The following ATAD3B variants were observed in gnomAD, a reference collection of about 807,000 sequenced individuals.
The protein encoded by ATAD3B is ATPase family AAA domain containing 3B.
ATAD3B carries 59 observed loss-of-function variants against 70.2 expected under a neutral mutation model. The ratio of observed to expected loss-of-function variants is 0.84; its 90% CI spans 0.68 to 1.04. ATAD3B has a LOEUF of 1.04. Among genes scored for constraint, ATAD3B ranks in the 50% least tolerant of loss-of-function variants. The probability of loss-of-function intolerance (pLI) is 0.00; values close to 1 mark genes in which losing one functional copy is unlikely to be tolerated. For synonymous variants in ATAD3B, 423 were observed against 388.6 expected (o/e 1.09, Z -1.04); for missense variants, 961 against 913.4 (o/e 1.05, Z -0.67).
chr1:1,476,987 A>G (rs1309514464), intron 1 of ATAD3B, among the ~76,000 whole-genome samples: 1 of 151,666 alleles, frequency 6.6e-6, no homozygotes, highest in Non-Finnish European at 1.5e-5. Flanking sequence ...TTGTGTTTTT[A>G]GTGGAGACAG....
intron 4 of ATAD3B, among the ~76,000 whole-genome samples, chr1:1,479,547 GCA>G (rs1639789395): frequency 7.6e-6 from 1 of 131,012 alleles, no homozygotes; most frequent in Admixed American, 7.7e-5. Flanking sequence ...ACACGGGCAC[GCA>G]CACACACACC....
chr1:1,481,047 A>G lies in ATAD3B; in HGVS notation c.514+111A>G, dbSNP rs1332068840. 7 of 1,523,978 alleles carry G rather than the reference A, an allele frequency of 4.6e-6. 1 individual carries two copies. Among genetic ancestry groups the G allele is most frequent in the Non-Finnish European group, 6.1e-6 (7 of 1,141,856 alleles). 94.4% of individuals were successfully genotyped at this position (1,523,978 alleles called of 1,614,324 possible). On this transcript the variant is annotated intron_variant, in intron 5 of 15. Transcript: ENST00000673477. ...CCCGGCCCCTCATAGCTACCAGTGC[A>G]GTGGGCGAGGCCTGCTGGGGCTCTG...
chr1:1,480,115 G>T (rs1450835935), intron 4 of ATAD3B, among the ~76,000 whole-genome samples: 1 of 144,034 alleles, frequency 6.9e-6, no homozygotes, highest in Non-Finnish European at 1.5e-5. Context: ...ACACACACGG[G>T]CACGTGTACG....
At chr1:1,484,917 C>T (rs1270851815) in intron 7 of ATAD3B, 99 bp from the exon 8 acceptor site, 6 of 1,484,020 alleles carry the variant, frequency 4.0e-6, no homozygotes, top group Admixed American at 2.1e-5. Flanking sequence ...TGTGCTTCTC[C>T]CTCAGGCGGA....
At position 1,490,656 on chromosome 1, in the gene ATAD3B, G is replaced by A. The variant is rs181699683; in HGVS notation, c.1599G>A (p.Leu533=). The part of the protein sequence containing the change: ...EGMSGREIAQ[L]AVSWQATAYA... ...TGTCGGGCCGGGAGATCGCTCAGCT[G>A]GCCGTGTCCTGGCAGGTGAGTCAGG... is the stretch of plus-strand genomic sequence containing the variant. Residue 533 remains leucine, a synonymous_variant, in exon 15 of 16, where the codon CTG becomes CTA. Coordinates refer to ENST00000673477, the MANE Select transcript of ATAD3B (RefSeq NM_031921.6). 14 of 1,594,996 alleles carry A rather than the reference G, an allele frequency of 8.8e-6. No homozygotes were observed. The Admixed American group carries it at 2.3e-4, about 27-fold the overall frequency.
chr1:1,473,869 G>T (rs1217619426), intron 1 of ATAD3B, among the ~76,000 whole-genome samples: 2 of 152,048 alleles, frequency 1.3e-5, no homozygotes, highest in Non-Finnish European at 2.9e-5. Context: ...GAGTTTCCCT[G>T]TTTAAGGAGG....
chr1:1,495,905 T>G lies in ATAD3B; in HGVS notation c.*88T>G, dbSNP rs3842878. The G allele has an allele frequency of 5.9e-3, 8,545 of 1,455,764 alleles. 365 individuals are homozygous for G. In the Admixed American group the frequency reaches 0.097, roughly 17 times the overall value. The allele number at this position is 1,455,764 out of a possible 1,614,324, so 90.2% of individuals were successfully genotyped here. A position where few individuals can be genotyped will look rare whatever the true frequency, so the allele number is the denominator to read the frequency against. ...TTCCGTCTGGCTCACAGGGGGAGGG[T>G]GAGGCTTTGTACCCCAGCCCCTGCC... On this transcript the variant is annotated 3_prime_UTR_variant, in exon 16 of 16. Transcript: ENST00000673477.
chr1:1,494,538 G>A (rs1474979650), intron 15 of ATAD3B, among the ~76,000 whole-genome samples: 4 of 151,842 alleles, frequency 2.6e-5, no homozygotes, highest in Admixed American at 6.6e-5. Context: ...CCACAGTGGC[G>A]GTCCGGCTCC....
chr1:1,488,593 T>A (rs1640362154), intron 12 of ATAD3B, among the ~76,000 whole-genome samples: 1 of 152,028 alleles, frequency 6.6e-6, no homozygotes, highest in South Asian at 2.1e-4. Flanking sequence ...ACCCCGTCTA[T>A]AGTAAAAATA....
At chr1:1,487,761 G>A (rs915300702) in intron 11 of ATAD3B, 102 bp from the exon 12 acceptor site, 14 of 1,427,316 alleles carry the variant, frequency 9.8e-6, no homozygotes, top group Admixed American at 6.7e-5. Context: ...GCCTGACCCC[G>A]TGGGGATCTG....
chr1:1,507,125 A>T, the ATAD3B span, among the ~76,000 whole-genome samples: 1 of 152,186 alleles, frequency 6.6e-6, no homozygotes, highest in Non-Finnish European at 1.5e-5. Flanking sequence ...AGATTATATC[A>T]TCTGAGAACA....
At chr1:1,481,034 T>C (rs1639886370) in intron 5 of ATAD3B, 98 bp downstream of exon 5, 1 of 1,547,832 alleles carries the variant, frequency 6.5e-7, no homozygotes, top group South Asian at 1.2e-5. Context: ...CGGCCCCTCA[T>C]AGCTACCAGT....
At chr1:1,479,909 G>A (rs1381814836) in intron 4 of ATAD3B, among the ~76,000 whole-genome samples, 1 of 133,376 alleles carries the variant, frequency 7.5e-6, no homozygotes, top group Non-Finnish European at 1.6e-5. Flanking sequence ...CACACACACG[G>A]GCGCGCACAC....
At position 1,490,260 on chromosome 1, in the gene ATAD3B, C is replaced by G. The variant is rs147013208; in HGVS notation, c.1341C>G (p.Phe447Leu). The stretch of plus-strand genomic sequence containing the variant: ...CTTCCCCATCCCTGTCCTACAGATT[C>G]ATGCTGGTCCTGGCCAGCAATCTGC... ...LYHMGQHSNK[F>L]MLVLASNLPE... The change falls in exon 14 of 16, where the codon TTC (phenylalanine) becomes TTG (leucine). Residue 447 changes from phenylalanine to leucine, a missense_variant. Coordinates refer to ENST00000673477, the MANE Select transcript of ATAD3B (RefSeq NM_031921.6). The G allele has an allele frequency of 2.5e-6, 4 of 1,612,118 alleles. No individual in the cohort carries two copies. The highest frequency in any genetic ancestry group is 4.5e-5 in the East Asian group (2 of 44,866).
chr1:1,490,204 G>C (rs146676843), intron 13 of ATAD3B, 53 bp from the exon 14 acceptor site: 1 of 1,590,582 alleles, frequency 6.3e-7, no homozygotes, highest in Non-Finnish European at 8.6e-7. Context: ...CGTTGCCCTC[G>C]GGGCATCTCA....
rs1375487971 is a variant in ATAD3B at position 1,471,777 on chromosome 1, C to T, written c.-108C>T. 4.1e-6 allele frequency: 5 copies of T among 1,211,094 alleles called. No individual in the cohort carries two copies. Among genetic ancestry groups the T allele is most frequent in the Non-Finnish European group, 5.2e-6 (5 of 970,718 alleles). The allele number at this position is 1,211,094 out of a possible 1,614,324, so 75.0% of individuals were successfully genotyped here. On this transcript the variant is annotated 5_prime_UTR_variant, in exon 1 of 16. Coordinates refer to ENST00000673477, the MANE Select transcript of ATAD3B (RefSeq NM_031921.6). ...GGAAGGGGTGTGTGTTTCGCCTGCG[C>T]AGTGGTCCTGGCCACCGGCTCGCGG...
chr1:1,485,893 G>C, intron 9 of ATAD3B, 55 bp downstream of exon 9: 1 of 1,611,826 alleles, frequency 6.2e-7, no homozygotes, highest in Middle Eastern at 1.9e-4. Flanking sequence ...CCGGAGCTGG[G>C]CTGGGCTGTG....
chr1:1,503,499 C>G, the ATAD3B span: 3 of 1,399,450 alleles, frequency 2.1e-6, no homozygotes, highest in Non-Finnish European at 3.0e-6. Flanking sequence ...GCCGTGGATT[C>G]CAGAAAGCCC....
chr1:1,488,248 G>A (rs920481449), intron 12 of ATAD3B, among the ~76,000 whole-genome samples: 1 of 151,840 alleles, frequency 6.6e-6, no homozygotes, highest in Admixed American at 6.6e-5. Context: ...GATCCACCAC[G>A]CCCAGCCATA....
Sources: gnomAD v4.1 joint callset for allele counts (sites outside exome capture counted in the v4.1 genomes callset) on GRCh38, gnomAD v4.1.1 for gene constraint, MANE v1.5 for transcripts, NCBI Gene and HGNC (gene_info 2026-07-23, HGNC 2026-07-21) for gene names.